Variants in PPARD observed in about 807,000 individuals in gnomAD.
PPARD encodes peroxisome proliferator activated receptor delta, also known as peroxisome proliferator-activated receptor delta.
In PPARD, 6 loss-of-function variants were observed where a neutral mutation model predicts 39.5. The ratio of observed to expected loss-of-function variants is 0.15; its 90% CI spans 0.08 to 0.30. The LOEUF (loss-of-function observed/expected upper bound fraction) is 0.30. Among genes scored for constraint, PPARD ranks in the 10% least tolerant of loss-of-function variants. PPARD has a pLI of 1.00. For missense variants in PPARD, 397 were observed against 596.8 expected (o/e 0.67, Z 3.49); for synonymous variants, 210 against 231.3 (o/e 0.91, Z 0.83).
At chr6:35,374,686 A>G (rs952648941) in intron 2 of PPARD, among the ~76,000 whole-genome samples, 1 of 151,724 alleles carries the variant, frequency 6.6e-6, no homozygotes, top group South Asian at 2.1e-4. Context: ...AAGGAAAAAT[A>G]TGTACATTTT....
chr6:35,375,378 C>T (rs183154291), intron 2 of PPARD, among the ~76,000 whole-genome samples: 155 of 152,066 alleles, frequency 1.0e-3, no homozygotes, highest in Middle Eastern at 6.8e-3. Context: ...CCACCACACG[C>T]GGCTAATTTG....
At chr6:35,345,873 C>T (rs201492162) in intron 1 of PPARD, among the ~76,000 whole-genome samples, 27 of 133,428 alleles carry the variant, frequency 2.0e-4, no homozygotes, top group African/African-American at 4.1e-4. Context: ...ACTTTTTTTT[C>T]GTTTTTTTTT....
At chr6:35,393,239 G>C (rs1764119049) in intron 2 of PPARD, among the ~76,000 whole-genome samples, 1 of 152,218 alleles carries the variant, frequency 6.6e-6, no homozygotes, top group South Asian at 2.1e-4. Context: ...CAGGAGCGGA[G>C]GGAGGGGGCA....
intron 2 of PPARD, among the ~76,000 whole-genome samples, chr6:35,387,495 C>G (rs990974312): frequency 6.6e-6 from 1 of 152,062 alleles, no homozygotes; most frequent in African/African-American, 2.4e-5. Context: ...TCTCCCACCC[C>G]AGCCCCAGGG....
intron 2 of PPARD, among the ~76,000 whole-genome samples, chr6:35,396,371 A>C (rs1051274986): frequency 4.0e-4 from 60 of 150,610 alleles, no homozygotes; most frequent in African/African-American, 1.4e-3. Flanking sequence ...CGCCTGGCCA[A>C]TTTTTTGTAT....
intron 4 of PPARD, 57 bp from the exon 5 acceptor site, chr6:35,421,763 G>A: frequency 6.5e-7 from 1 of 1,537,722 alleles, no homozygotes; most frequent in Non-Finnish European, 8.8e-7. Flanking sequence ...GGGCCCTTTG[G>A]CACAGCCTCC....
intron 3 of PPARD, among the ~76,000 whole-genome samples, chr6:35,413,935 T>C (rs1036075598): frequency 6.6e-6 from 1 of 152,100 alleles, no homozygotes; most frequent in African/African-American, 2.4e-5. Flanking sequence ...CGCCTCGGCC[T>C]CCCAAAGTGT....
chr6:35,365,614 C>T (rs1762173310), intron 2 of PPARD, among the ~76,000 whole-genome samples: 1 of 151,358 alleles, frequency 6.6e-6, no homozygotes, highest in African/African-American at 2.5e-5. Context: ...CCTCAGCCTC[C>T]TGAGTAGCTG....
chr6:35,404,459 A>G (rs1414595714), intron 2 of PPARD, among the ~76,000 whole-genome samples: 1 of 152,296 alleles, frequency 6.6e-6, no homozygotes, highest in East Asian at 1.9e-4. Flanking sequence ...AGGCTGTACC[A>G]TGTGGCAGAT....
chr6:35,383,926 C>G (rs1416553098), intron 2 of PPARD, among the ~76,000 whole-genome samples: 1 of 134,462 alleles, frequency 7.4e-6, no homozygotes, highest in African/African-American at 3.8e-5. Flanking sequence ...CCACCCCGTC[C>G]GGGAGGGAGG....
rs947186291 is a variant in PPARD at position 35,345,874 on chromosome 6, G to GTT, written c.-185-1174_-185-1173dup. 2.5e-3 allele frequency among the ~76,000 whole-genome samples: 287 copies of GTT among 114,598 alleles called. 3 individuals carry two copies. Among genetic ancestry groups the GTT allele is most frequent in the East Asian group, 9.3e-3 (39 of 4,172 alleles). The allele number at this position is 114,598 out of a possible 152,430, so 75.2% of individuals were successfully genotyped here. ...GAGTTGGACCTGTCACTTTTTTTTC[G>GTT]TTTTTTTTTTTTTTTTTTTTGAGAT... is the stretch of plus-strand genomic sequence containing the variant. On this transcript the variant is annotated intron_variant, in intron 1 of 7. Transcript: ENST00000360694.
At chr6:35,348,447 T>C (rs1357017624) in intron 2 of PPARD, 1 of 985,256 alleles carries the variant, frequency 1.0e-6, no homozygotes, top group Non-Finnish European at 1.2e-6. Context: ...TGGCAGGTTT[T>C]ATAAACTCTC....
At position 35,408,764 on chromosome 6, in the gene PPARD, G is replaced by A. The variant is rs114950955; in HGVS notation, c.-101-2223G>A. Among the ~76,000 whole-genome samples the A allele has an allele frequency of 3.8e-3, 573 of 152,276 alleles. 3 individuals are homozygous for A. Among genetic ancestry groups the A allele is most frequent in the Non-Finnish European group, 7.1e-3 (483 of 68,018 alleles). On this transcript the variant is annotated intron_variant, in intron 2 of 7. Transcript: ENST00000360694. ...AACCAAAATTTTTAAAGGTTTTTTC[G>A]TTCTAACTCTATTTTGAAAAAAGTT... is the stretch of plus-strand genomic sequence containing the variant.
In PPARD at chr6:35,424,579, T is replaced by C. The variant is rs756617723; in HGVS notation, c.878T>C (p.Met293Thr). The change falls in exon 7 of 8, where the codon ATG becomes ACG. Residue 293 changes from methionine to threonine, a missense_variant. By Grantham distance (81) the Met-to-Thr change is moderately conservative. Coordinates refer to ENST00000360694, the MANE Select transcript of PPARD (RefSeq NM_006238.5). The surrounding 1 kb of genome is among the most constrained non-coding windows in gnomAD (Gnocchi z 7.1). ...GGCGTGCACGAGGCCATCTTCGCCA[T>C]GCTGGCCTCTATCGTCAACAAGGAC... ...KYGVHEAIFAMLASIVNKDGL... is the reference protein window; with the variant it reads ...KYGVHEAIFATLASIVNKDGL... 3.7e-6 allele frequency: 6 copies of C among 1,614,142 alleles called. No homozygotes were observed. Among genetic ancestry groups the C allele is most frequent in the Non-Finnish European group, 5.1e-6 (6 of 1,180,052 alleles).
rs373776709 is a variant in PPARD, at chr6:35,349,439, A to G, written c.-102+2289A>G. 2.0e-5 allele frequency among the ~76,000 whole-genome samples: 3 copies of G among 152,358 alleles called. No individual in the cohort carries two copies. The South Asian group carries it at 6.2e-4, about 32-fold the overall frequency. On this transcript the variant is annotated intron_variant, in intron 2 of 7. Coordinates refer to ENST00000360694, the MANE Select transcript of PPARD (RefSeq NM_006238.5). The stretch of plus-strand genomic sequence containing the variant: ...AGAATTATTATCTTGGGCTATACAT[A>G]AAATACACTAACACTAACAATAGTG...
At chr6:35,387,094 C>T (rs996119608) in intron 2 of PPARD, among the ~76,000 whole-genome samples, 14 of 152,228 alleles carry the variant, frequency 9.2e-5, no homozygotes, top group Admixed American at 7.8e-4. Context: ...CCCTGGGCCC[C>T]TTATTTCCCC....
rs779634506 is a variant in PPARD at position 35,421,873 on chromosome 6, C to T, written c.339C>T (p.Arg113=). 4 of 1,614,084 alleles carry T rather than the reference C, an allele frequency of 2.5e-6. No homozygotes were observed. The highest frequency in any genetic ancestry group is 3.4e-6 in the Non-Finnish European group (4 of 1,179,980). The change falls in exon 5 of 8, where the codon CGC becomes CGT. Residue 113 remains arginine (R), a synonymous_variant. Coordinates refer to ENST00000360694, the MANE Select transcript of PPARD (RefSeq NM_006238.5). ...AGCTGGAGTACGAGAAGTGTGAGCG[C>T]AGCTGCAAGATTCAGAAGAAGAACC... The part of the protein sequence containing the change: ...RMKLEYEKCE[R]SCKIQKKNRN...
At chr6:35,423,541 AAAAAG>A (rs1398326871) in intron 5 of PPARD, among the ~76,000 whole-genome samples, 2 of 151,982 alleles carry the variant, frequency 1.3e-5, no homozygotes, top group East Asian at 1.9e-4. Flanking sequence ...TCAAAAAAAA[AAAAAG>A]AAAAGAAAAA....
At chr6:35,413,063 A>G (rs1765529128) in intron 3 of PPARD, among the ~76,000 whole-genome samples, 1 of 152,228 alleles carries the variant, frequency 6.6e-6, no homozygotes, top group Admixed American at 6.5e-5. Flanking sequence ...TCATCCCCAC[A>G]TCTGAGCCCA....
Sources: gnomAD v4.1 joint callset for allele counts (sites outside exome capture counted in the v4.1 genomes callset) on GRCh38, gnomAD v4.1.1 for gene constraint, Gnocchi (gnomAD v3.1) non-coding constraint, MANE v1.5 for transcripts, NCBI Gene and HGNC (gene_info 2026-07-23, HGNC 2026-07-21) for gene names.